Variants in HADH observed in about 807,000 individuals in gnomAD.
HADH encodes hydroxyacyl-CoA dehydrogenase.
A neutral mutation model predicts 32.2 loss-of-function variants in HADH; 24 were observed. The ratio of observed to expected loss-of-function variants is 0.75; its 90% confidence interval spans 0.54 to 1.05. The LOEUF is 1.05. Ranked by LOEUF, HADH falls within the 50% of genes least tolerant of loss-of-function variation. The pLI is 0.00. For synonymous variants in HADH, 139 were observed against 152.5 expected (o/e 0.91, Z 0.65); for missense variants, 350 against 397.1 (o/e 0.88, Z 1.01).
At position 108,009,770 on chromosome 4, in the gene HADH, A is replaced by C. The variant is rs79881095; in HGVS notation, c.144A>C (p.Ala48=). ...MGAGIAQVAA[A]TGHTVVLVDQ... is the part of the protein sequence containing the mutation. ...TTTTGTTGCTCTAGGTTGCTGCAGCAACTGGTCACACAGTAGTGTTGGTAG... is the reference window on the plus strand; with the variant it reads ...TTTTGTTGCTCTAGGTTGCTGCAGCCACTGGTCACACAGTAGTGTTGGTAG... The change falls in exon 2 of 8, where the codon GCA becomes GCC. Residue 48 remains alanine, a synonymous_variant. Coordinates refer to ENST00000309522, the MANE Select transcript of HADH (RefSeq NM_005327.7). The C allele has an allele frequency of 8.8e-5, 142 of 1,613,758 alleles. No individual in the cohort carries two copies. Among genetic ancestry groups the C allele is most frequent in the Admixed American group, 1.8e-4 (11 of 60,026 alleles).
intron 1 of HADH, among the ~76,000 whole-genome samples, chr4:108,006,161 GGCT>G (rs1246237719): frequency 6.6e-6 from 1 of 152,208 alleles, no homozygotes; most frequent in African/African-American, 2.4e-5. Flanking sequence ...GGCCTGGTGG[GGCT>G]TGACCTTTCC....
chr4:108,016,415 C>T (rs1471816016), intron 3 of HADH, among the ~76,000 whole-genome samples: 1 of 152,198 alleles, frequency 6.6e-6, no homozygotes, highest in Admixed American at 6.5e-5. Flanking sequence ...TGTCATCTGT[C>T]CATCACTGCC....
At chr4:108,007,513 A>G (rs1490615189) in intron 1 of HADH, among the ~76,000 whole-genome samples, 1 of 152,218 alleles carries the variant, frequency 6.6e-6, no homozygotes, top group Non-Finnish European at 1.5e-5. Flanking sequence ...TAATTCAGAA[A>G]TAAACAATGT....
chr4:108,030,981 A>T (rs868417148), intron 6 of HADH: 1 of 152,338 alleles, frequency 6.6e-6, no homozygotes, highest in African/African-American at 2.4e-5. Flanking sequence ...TTATTTCTTG[A>T]AATAAAACAG....
intron 2 of HADH, among the ~76,000 whole-genome samples, chr4:108,010,849 C>CTTTTTTTTTTTT (rs1199994737): frequency 8.0e-6 from 1 of 124,802 alleles, no homozygotes; most frequent in African/African-American, 3.0e-5. Context: ...CAACTTCATT[C>CTTTTTTTTTTTT]TTTTTTTTTT....
At chr4:108,024,453 T>G (rs1020301238) in intron 5 of HADH, 1 of 152,226 alleles carries the variant, frequency 6.6e-6, no homozygotes, top group East Asian at 1.9e-4. Flanking sequence ...TACAGTACTG[T>G]ACTAACCCAT....
Position 108,034,799 on chromosome 4 carries a change from C to T in HADH, c.*442C>T, listed in dbSNP as rs1736405359. ...CTGTGAAGCACTGCAGCGAGCAGCACCTGGATCTTGCCTTTATAAGAACAT... is the reference window on the plus strand; with the variant it reads ...CTGTGAAGCACTGCAGCGAGCAGCATCTGGATCTTGCCTTTATAAGAACAT... On this transcript the variant is annotated 3_prime_UTR_variant, in exon 8 of 8. Transcript: ENST00000309522. 3.4e-6 allele frequency: 1 copy of T among 292,482 alleles called. No homozygotes were observed. The highest frequency in any genetic ancestry group is 8.5e-5 in the East Asian group (1 of 11,734). The allele number at this position is 292,482 out of a possible 1,614,324, so 18.1% of individuals were successfully genotyped here. A position where few individuals can be genotyped will look rare whatever the true frequency, so the allele number is the denominator to read the frequency against.
At chr4:108,022,095 A>G (rs537894109) in intron 4 of HADH, among the ~76,000 whole-genome samples, 27 of 152,034 alleles carry the variant, frequency 1.8e-4, no homozygotes, top group African/African-American at 6.0e-4. Context: ...CTAAGATCCC[A>G]TGAAGGGTCT....
chr4:107,995,425 C>T (rs1025263699), intron 1 of HADH, among the ~76,000 whole-genome samples: 1 of 152,122 alleles, frequency 6.6e-6, no homozygotes, highest in Non-Finnish European at 1.5e-5. Context: ...TCACATAGAC[C>T]CATCAGACCT....
intron 1 of HADH, among the ~76,000 whole-genome samples, chr4:107,998,310 CT>C (rs1735015294): frequency 6.6e-6 from 1 of 151,868 alleles, no homozygotes; most frequent in African/African-American, 2.4e-5. Context: ...GACAGAGTCT[CT>C]CTCTATCACC....
At chr4:107,992,119 A>G (rs1385628220) in intron 1 of HADH, among the ~76,000 whole-genome samples, 4 of 152,234 alleles carry the variant, frequency 2.6e-5, no homozygotes, top group Non-Finnish European at 5.9e-5. Context: ...AATGATTGAC[A>G]TTAATGGAGA....
intron 1 of HADH, among the ~76,000 whole-genome samples, chr4:108,003,442 G>A (rs200343695): frequency 2.0e-5 from 3 of 152,132 alleles, no homozygotes; most frequent in Non-Finnish European, 2.9e-5. Context: ...CCTGACTTTT[G>A]AAGAGGACAC....
At chr4:108,022,179 GTGTGTGTGTATGTGTGTGTGTA>G (rs1325095119) in intron 4 of HADH, among the ~76,000 whole-genome samples, 80 of 148,678 alleles carry the variant, frequency 5.4e-4, no homozygotes, top group East Asian at 3.7e-3. Flanking sequence ...GTGTGTGTGT[GTGTGTGTGTATGTGTGTGTGTA>G]TGTGTGTGTG....
In HADH at chr4:108,019,629, A is replaced by G; in HGVS notation, c.509A>G (p.His170Arg). 1.2e-6 allele frequency: 2 copies of G among 1,614,096 alleles called. No individual in the cohort carries two copies. The highest frequency in any genetic ancestry group is 1.7e-6 in the Non-Finnish European group (2 of 1,179,990). Reference sequence around the variant, plus strand: ...AGACAAGACCGATTCGCTGGCCTCCATTTCTTCAACCCAGTGCCTGTCATG... The same window carrying G: ...AGACAAGACCGATTCGCTGGCCTCCGTTTCTTCAACCCAGTGCCTGTCATG... Reference protein sequence around the residue: ...TTRQDRFAGLHFFNPVPVMKL... With the variant: ...TTRQDRFAGLRFFNPVPVMKL... Residue 170 changes from histidine to arginine, a missense_variant, in exon 4 of 8, where the codon CAT becomes CGT. Coordinates refer to ENST00000309522, the MANE Select transcript of HADH (RefSeq NM_005327.7).
intron 1 of HADH, among the ~76,000 whole-genome samples, chr4:107,997,312 A>G (rs1734985034): frequency 6.6e-6 from 1 of 152,198 alleles, no homozygotes; most frequent in Non-Finnish European, 1.5e-5. Context: ...GTCTAGGCAC[A>G]TGGGACATCC....
chr4:107,999,887 T>C (rs1188744819), intron 1 of HADH, among the ~76,000 whole-genome samples: 3 of 152,180 alleles, frequency 2.0e-5, no homozygotes, highest in African/African-American at 7.2e-5. Context: ...TAAAGTATGG[T>C]TTTTAAATAC....
At chr4:108,010,064 CA>C (rs1184521894) in intron 2 of HADH, among the ~76,000 whole-genome samples, 177 bp downstream of exon 2, 4 of 143,862 alleles carry the variant, frequency 2.8e-5, no homozygotes, top group Admixed American at 7.3e-5. Context: ...ACTAAACATT[CA>C]GGGGGTACTG....
intron 4 of HADH, among the ~76,000 whole-genome samples, chr4:108,021,705 A>T (rs1027855520): frequency 1.3e-5 from 2 of 152,204 alleles, no homozygotes; most frequent in African/African-American, 4.8e-5. Context: ...AAAACTCCAT[A>T]GTCAGCAGTG....
At chr4:108,016,660 G>C (rs1390545999) in intron 3 of HADH, among the ~76,000 whole-genome samples, 2 of 152,212 alleles carry the variant, frequency 1.3e-5, no homozygotes, top group African/African-American at 4.8e-5. Flanking sequence ...TCCATGTCTG[G>C]TACAGAAGAA....
Sources: gnomAD v4.1 joint callset for allele counts (sites outside exome capture counted in the v4.1 genomes callset) on GRCh38, gnomAD v4.1.1 for gene constraint, MANE v1.5 for transcripts, NCBI Gene and HGNC (gene_info 2026-07-23, HGNC 2026-07-21) for gene names.